NLRP3: variants seen among roughly 807,000 people sequenced by gnomAD.
The protein encoded by NLRP3 is NACHT, LRR and PYD domains-containing protein 3.
A neutral mutation model predicts 91.3 loss-of-function variants in NLRP3; 48 were observed. The ratio of observed to expected loss-of-function variants is 0.53; its 90% CI spans 0.42 to 0.67. The LOEUF (loss-of-function observed/expected upper bound fraction) is 0.67. Among genes scored for constraint, NLRP3 ranks in the 30% least tolerant of loss-of-function variants. The pLI is 0.00. For missense variants in NLRP3, 982 were observed against 1,276.9 expected (o/e 0.77, Z 3.52); for synonymous variants, 561 against 507.9 (o/e 1.10, Z -1.41).
At chr1:247,419,932 T>A (rs1662335757) in intron 2 of NLRP3, among the ~76,000 whole-genome samples, 1 of 152,208 alleles carries the variant, frequency 6.6e-6, no homozygotes, top group South Asian at 2.1e-4. Context: ...GGGTATATAC[T>A]CAGAAGTGAA....
Position 247,444,886 on chromosome 1 carries a change from T to C in NLRP3, c.3005+65T>C, listed in dbSNP as rs1269547969. 1.0e-5 allele frequency: 16 copies of C among 1,555,164 alleles called. No homozygotes were observed. In the African/African-American group the frequency reaches 1.1e-4, roughly 11 times the overall value. The stretch of plus-strand genomic sequence containing the variant: ...AGTTCTCAGGAAACGTTGACTGTTA[T>C]CAAAATCCAGGATGGCTCTCGCTTC... On this transcript the variant is annotated intron_variant, in intron 9 of 9. Transcript: ENST00000336119.
chr1:247,416,310 T>C (rs1662072313), intron 1 of NLRP3, 117 bp downstream of exon 1: 1 of 152,308 alleles, frequency 6.6e-6, no homozygotes, highest in Admixed American at 6.5e-5. Context: ...TTCTGGCGTC[T>C]CCAAGGTTGT....
At chr1:247,441,235 CTTTCTTTTCT>C (rs1398826718) in intron 7 of NLRP3, among the ~76,000 whole-genome samples, 1 of 115,564 alleles carries the variant, frequency 8.7e-6, no homozygotes, top group Non-Finnish European at 1.7e-5. Context: ...CCTTATTTTC[CTTTCTTTTCT>C]TTTCTTTTTT....
intron 5 of NLRP3, among the ~76,000 whole-genome samples, chr1:247,432,605 T>C (rs1663422327): frequency 6.6e-6 from 1 of 152,154 alleles, no homozygotes; most frequent in Admixed American, 6.5e-5. Context: ...CCCTGTATGA[T>C]TCTGGAGAGG....
In NLRP3 at chr1:247,439,524, C is replaced by G. The variant is rs116266609; in HGVS notation, c.2663+3384C>G. ...GTCTGTGTGTGTCTTTCTCCATGTC[C>G]CAAGTTTCCCTGTGAAAGAACACAA... On this transcript the variant is annotated intron_variant, in intron 7 of 9. Transcript: ENST00000336119. Among the ~76,000 whole-genome samples the G allele has an allele frequency of 5.8e-3, 887 of 152,240 alleles. 8 individuals carry two copies. The highest frequency in any genetic ancestry group is 0.021 in the African/African-American group (854 of 41,536).
rs1414704576 is a variant in NLRP3, at chr1:247,425,354, G to A, written c.1905G>A (p.Met635Ile). The A allele has an allele frequency of 6.2e-7, 1 of 1,614,204 alleles. No homozygotes were observed. Among genetic ancestry groups the A allele is most frequent in the Non-Finnish European group, 8.5e-7 (1 of 1,180,028 alleles). The change falls in exon 4 of 10, where the codon ATG becomes ATA. Residue 635 changes from methionine (M) to isoleucine (I), a missense_variant. By Grantham distance (10) the Met-to-Ile change is conservative. Around this residue, in one of 5 missense-constraint regions of NLRP3, gnomAD observed 373 missense variants for 431.5 expected, o/e 0.86. Transcript: ENST00000336119. This position sits in a 1 kb window ranked among gnomAD's most constrained non-coding sequence, Gnocchi z 4.1. Reference sequence around the variant, plus strand: ...AATTGTTCTACTGTTTGTACGAGATGCAGGAGGAGGACTTCGTGCAAAGGG... The same window carrying A: ...AATTGTTCTACTGTTTGTACGAGATACAGGAGGAGGACTTCGTGCAAAGGG... ...QLELFYCLYE[M>I]QEEDFVQRAM... is the part of the protein sequence containing the mutation.
rs752907214 is a variant in NLRP3 at position 247,444,762 on chromosome 1, G to C, written c.2946G>C (p.Leu982=). 1.2e-6 allele frequency: 2 copies of C among 1,614,002 alleles called. No individual in the cohort carries two copies. The highest frequency in any genetic ancestry group is 1.7e-5 in the Admixed American group (1 of 60,006). Residue 982 remains leucine (L), a synonymous_variant, in exon 9 of 10, where the codon CTG becomes CTC. Transcript: ENST00000336119. ...TGGGCAACAATGACCTGGGCGACCT[G>C]GGGGTCATGATGTTCTGTGAAGTGC... ...LSLGNNDLGD[L]GVMMFCEVLK...
intron 5 of NLRP3, among the ~76,000 whole-genome samples, chr1:247,431,585 T>C (rs2185572): frequency 0.99 from 150,768 of 152,252 alleles, 74,664 homozygotes; most frequent in East Asian, 1. Context: ...TTTGTCTTGC[T>C]GTCATCTTTG....
chr1:247,426,270 T>G (rs1662875360), intron 4 of NLRP3, among the ~76,000 whole-genome samples: 1 of 152,214 alleles, frequency 6.6e-6, no homozygotes, highest in Non-Finnish European at 1.5e-5. Context: ...CCCATGTTGC[T>G]CTGCACTGGG....
Position 247,444,646 on chromosome 1 carries a change from T to C in NLRP3, c.2835-5T>C. Reference sequence around the variant, plus strand: ...CATTTTCTTTAAATCACCCCCTTTTTGCAGATTAGACAACTGCAACCTCAC... The same window carrying C: ...CATTTTCTTTAAATCACCCCCTTTTCGCAGATTAGACAACTGCAACCTCAC... On this transcript the variant is annotated splice_polypyrimidine_tract_variant and splice_region_variant and intron_variant, in intron 8 of 9. Coordinates refer to ENST00000336119, the MANE Select transcript of NLRP3 (RefSeq NM_001243133.2). 3.1e-6 allele frequency: 5 copies of C among 1,614,026 alleles called. No individual in the cohort carries two copies. In the East Asian group the frequency reaches 6.7e-5, roughly 22 times the overall value.
At chr1:247,417,670 C>T (rs1020139015) in intron 1 of NLRP3, among the ~76,000 whole-genome samples, 2 of 152,038 alleles carry the variant, frequency 1.3e-5, no homozygotes, top group Non-Finnish European at 2.9e-5. Flanking sequence ...TTAGTAGAGA[C>T]GGGATTTCTC....
intron 9 of NLRP3, among the ~76,000 whole-genome samples, chr1:247,446,742 CTTGT>C (rs139038280): frequency 0.016 from 2,425 of 152,244 alleles, 72 homozygotes; most frequent in African/African-American, 0.055. Flanking sequence ...ATGTCATTTT[CTTGT>C]TTATTTATTA....
chr1:247,434,380 C>A, intron 6 of NLRP3, 107 bp downstream of exon 6: 3 of 1,194,810 alleles, frequency 2.5e-6, no homozygotes, highest in Non-Finnish European at 3.7e-6. Flanking sequence ...ATGGCCTTGG[C>A]GGCTCGGGTG....
At chr1:247,429,365 A>G (rs1015404802) in intron 4 of NLRP3, among the ~76,000 whole-genome samples, 1 of 152,158 alleles carries the variant, frequency 6.6e-6, no homozygotes, top group African/African-American at 2.4e-5. Context: ...CGCCACAGTC[A>G]CAGGCTCATG....
intron 1 of NLRP3, among the ~76,000 whole-genome samples, chr1:247,417,604 C>T (rs561434136): frequency 6.6e-6 from 1 of 152,216 alleles, no homozygotes; most frequent in Admixed American, 6.5e-5. Flanking sequence ...GCCTCAGCCT[C>T]CCGAGTAGCT....
At chr1:247,438,558 AT>A (rs1447307629) in intron 7 of NLRP3, among the ~76,000 whole-genome samples, 1 of 151,826 alleles carries the variant, frequency 6.6e-6, no homozygotes, top group Non-Finnish European at 1.5e-5. Flanking sequence ...TAATTTTTGT[AT>A]TTTTAGTAGA....
At chr1:247,439,367 T>C (rs1390852888) in intron 7 of NLRP3, among the ~76,000 whole-genome samples, 1 of 152,214 alleles carries the variant, frequency 6.6e-6, no homozygotes, top group African/African-American at 2.4e-5. Flanking sequence ...TTCTGAGGGC[T>C]GTGGGGAATC....
chr1:247,445,355 C>T (rs1483540181), intron 9 of NLRP3, among the ~76,000 whole-genome samples: 2 of 152,114 alleles, frequency 1.3e-5, no homozygotes, highest in South Asian at 4.2e-4. Flanking sequence ...CGCCTGCCAC[C>T]ACACCCGGCT....
In NLRP3 at chr1:247,424,962, C is replaced by T. The variant is rs1396885148; in HGVS notation, c.1513C>T (p.Leu505=). The change falls in exon 4 of 10, where the codon CTG becomes TTG. Residue 505 remains leucine (L), a synonymous_variant. Coordinates refer to ENST00000336119, the MANE Select transcript of NLRP3 (RefSeq NM_001243133.2). The surrounding 1 kb of genome is among the most constrained non-coding windows in gnomAD (Gnocchi z 8.1). ...ADVSAFLRMN[L]FQKEVDCEKF... ...TGTGTCTGCTTTCCTGAGGATGAAC[C>T]TGTTCCAAAAGGAAGTGGACTGCGA... 1 of 1,614,126 alleles carries T rather than the reference C, an allele frequency of 6.2e-7. No homozygotes were observed. The highest frequency in any genetic ancestry group is 8.5e-7 in the Non-Finnish European group (1 of 1,180,034).
Sources: allele counts gnomAD v4.1 joint callset (sites outside exome capture counted in the v4.1 genomes callset), GRCh38; gene constraint gnomAD v4.1.1; regional missense constraint gnomAD v4.1.1; non-coding constraint Gnocchi (gnomAD v3.1); transcripts MANE v1.5; gene names NCBI Gene and HGNC (gene_info 2026-07-23, HGNC 2026-07-21).